The following TCERG1L variants were observed in gnomAD, a reference collection of about 807,000 sequenced individuals.
The protein encoded by TCERG1L is transcription elongation regulator 1 like.
In TCERG1L, 37 loss-of-function variants were observed where a neutral mutation model predicts 56.3. The observed-to-expected ratio is 0.66, with a 90% CI of 0.51 to 0.87. TCERG1L has a LOEUF of 0.87. Among genes scored for constraint, TCERG1L ranks in the 40% least tolerant of loss-of-function variants. The pLI is 0.00. For missense variants in TCERG1L, 799 were observed against 774.2 expected, an observed-to-expected ratio of 1.03 and a Z score of -0.38; for synonymous variants, 324 against 326.3, an observed-to-expected ratio of 0.99 and a Z score of 0.08.
At chr10:131,310,810 T>A (rs565140195) in intron 1 of TCERG1L, among the ~76,000 whole-genome samples, 1 of 152,248 alleles carries the variant, frequency 6.6e-6, no homozygotes, top group Non-Finnish European at 1.5e-5. Context: ...TTGCCCTGAG[T>A]CTATTTTCAA....
intron 3 of TCERG1L, among the ~76,000 whole-genome samples, chr10:131,300,479 T>G (rs1442864950): frequency 6.6e-6 from 1 of 152,216 alleles, no homozygotes; most frequent in Non-Finnish European, 1.5e-5. Flanking sequence ...CACTAATTCT[T>G]GGCTGTATCA....
intron 9 of TCERG1L, among the ~76,000 whole-genome samples, chr10:131,115,334 A>G (rs1207233603): frequency 6.6e-6 from 1 of 152,252 alleles, no homozygotes; most frequent in Non-Finnish European, 1.5e-5. Context: ...AGAAACTACA[A>G]CAAAGACCCT....
At chr10:131,303,745 T>G (rs994741954) in intron 3 of TCERG1L, among the ~76,000 whole-genome samples, 1 of 152,098 alleles carries the variant, frequency 6.6e-6, no homozygotes, top group Non-Finnish European at 1.5e-5. Flanking sequence ...CGTTCTTCTC[T>G]TCAATGATTT....
chr10:131,108,355 C>G (rs1469753246), intron 9 of TCERG1L, among the ~76,000 whole-genome samples: 1 of 152,166 alleles, frequency 6.6e-6, no homozygotes. Flanking sequence ...AGACTCCGTC[C>G]CCTCCTTGCA....
intron 4 of TCERG1L, among the ~76,000 whole-genome samples, chr10:131,253,683 C>A (rs1846136559): frequency 6.6e-6 from 1 of 152,142 alleles, no homozygotes; most frequent in African/African-American, 2.4e-5. Context: ...GCCATCTCTG[C>A]ACCATCTCAT....
At chr10:131,290,491 C>T (rs1326521131) in intron 3 of TCERG1L, among the ~76,000 whole-genome samples, 1 of 151,936 alleles carries the variant, frequency 6.6e-6, no homozygotes, top group African/African-American at 2.4e-5. Flanking sequence ...ATTAGCCAGG[C>T]GTGGTGGCGG....
intron 8 of TCERG1L, among the ~76,000 whole-genome samples, chr10:131,125,377 C>CA (rs1305735054): frequency 6.6e-6 from 1 of 152,104 alleles, no homozygotes; most frequent in East Asian, 1.9e-4. Flanking sequence ...TTCTTTCTTC[C>CA]AGCAAAGAGG....
intron 4 of TCERG1L, among the ~76,000 whole-genome samples, chr10:131,171,216 G>A (rs1846090016): frequency 6.7e-6 from 1 of 149,096 alleles, no homozygotes; most frequent in African/African-American, 2.5e-5. Context: ...AGAAAAGTGT[G>A]GAAAGAAAAA....
chr10:131,108,753 C>T (rs1365083502), intron 9 of TCERG1L, among the ~76,000 whole-genome samples: 1 of 152,202 alleles, frequency 6.6e-6, no homozygotes, highest in African/African-American at 2.4e-5. Context: ...GAGGTGCCGG[C>T]AGGGGCTTTG....
At chr10:131,159,644 A>G (rs535567191) in intron 6 of TCERG1L, among the ~76,000 whole-genome samples, 153 of 152,322 alleles carry the variant, frequency 1.0e-3, no homozygotes, top group Non-Finnish European at 1.7e-3. Flanking sequence ...AGACGGAAGC[A>G]GATGATTCAG....
chr10:131,230,721 C>T (rs951311642), intron 4 of TCERG1L, among the ~76,000 whole-genome samples: 1 of 152,192 alleles, frequency 6.6e-6, no homozygotes, highest in East Asian at 1.9e-4. Context: ...AAACCTCAGG[C>T]ATCTCCAGGG....
chr10:131,149,303 C>CATCAGACTCCAGGTAGCTGCTCCAGGT (rs1779471042), intron 6 of TCERG1L, among the ~76,000 whole-genome samples: 1 of 100,508 alleles, frequency 9.9e-6, no homozygotes, highest in Non-Finnish European at 2.7e-5. Flanking sequence ...TGGCCAACTA[C>CATCAGACTCCAGGTAGCTGCTCCAGGT]AGCAGACTCC....
chr10:131,096,499 T>C (rs1378703729), intron 11 of TCERG1L, among the ~76,000 whole-genome samples: 3 of 152,210 alleles, frequency 2.0e-5, no homozygotes, highest in South Asian at 2.1e-4. Flanking sequence ...TTTATGAGGA[T>C]TGTGTAACTA....
Position 131,297,191 on chromosome 10 carries a change from TC to T in TCERG1L, c.670+11019del, listed in dbSNP as rs1409759049. Among the ~76,000 whole-genome samples, 3 of 152,362 alleles carry T rather than the reference TC, an allele frequency of 2.0e-5. No individual in the cohort carries two copies. In the East Asian group the frequency reaches 5.8e-4, roughly 29 times the overall value. ...TATTCAGTTTGACGTTAGTGGTAGA[TC>T]TTCCTTAGATGTCCTTTGTCAGTTT... is the stretch of plus-strand genomic sequence containing the variant. On this transcript the variant is annotated intron_variant, in intron 3 of 11. Coordinates refer to ENST00000368642, the MANE Select transcript of TCERG1L (RefSeq NM_174937.4).
chr10:131,145,842 A>G (rs904584885), intron 7 of TCERG1L, among the ~76,000 whole-genome samples: 2 of 152,248 alleles, frequency 1.3e-5, no homozygotes, highest in African/African-American at 2.4e-5. Flanking sequence ...GTTTGAATCC[A>G]CATGCTCTGG....
intron 4 of TCERG1L, among the ~76,000 whole-genome samples, chr10:131,252,744 A>G (rs1278104574): frequency 6.6e-6 from 1 of 152,166 alleles, no homozygotes; most frequent in African/African-American, 2.4e-5. Flanking sequence ...CAAATTAAAT[A>G]AAGTGGCCTG....
chr10:131,099,709 C>A (rs1476319119), intron 10 of TCERG1L, among the ~76,000 whole-genome samples: 4 of 152,200 alleles, frequency 2.6e-5, no homozygotes, highest in African/African-American at 9.7e-5. Context: ...TTTCAGATTC[C>A]ATGTCAGCAG....
At position 131,290,084 on chromosome 10, in the gene TCERG1L, TCTC is replaced by T. The variant is rs1283300676; in HGVS notation, c.670+18124_670+18126del. ...TGTGAGCAGGTGTGCACTGCCTCCA[TCTC>T]CTATCGGTGTGTGTGTGTATGTGTG... is the stretch of plus-strand genomic sequence containing the variant. On this transcript the variant is annotated intron_variant, in intron 3 of 11. Coordinates refer to ENST00000368642, the MANE Select transcript of TCERG1L (RefSeq NM_174937.4). Among the ~76,000 whole-genome samples the T allele has an allele frequency of 1.8e-4, 11 of 62,114 alleles. 1 individual carries two copies. The highest frequency in any genetic ancestry group is 3.6e-4 in the Non-Finnish European group (11 of 30,634). The allele number at this position is 62,114 out of a possible 152,430, so 40.7% of individuals were successfully genotyped here.
chr10:131,155,534 C>A (rs984275114), intron 6 of TCERG1L, among the ~76,000 whole-genome samples: 4 of 152,216 alleles, frequency 2.6e-5, no homozygotes, highest in African/African-American at 4.8e-5. Context: ...GAGAGCCTGT[C>A]TTTATGGAGT....
Sources: gnomAD v4.1 joint callset for allele counts (sites outside exome capture counted in the v4.1 genomes callset) on GRCh38, gnomAD v4.1.1 for gene constraint, MANE v1.5 for transcripts, NCBI Gene and HGNC (gene_info 2026-07-23, HGNC 2026-07-21) for gene names.